The following NDST3 variants were observed in gnomAD, a reference collection of about 807,000 sequenced individuals.
NDST3 encodes the protein N-deacetylase and N-sulfotransferase 3.
A neutral mutation model predicts 96.1 loss-of-function variants in NDST3; 58 were observed. The ratio of observed to expected loss-of-function variants is 0.60; its 90% CI spans 0.49 to 0.75. The LOEUF (loss-of-function observed/expected upper bound fraction) is 0.75, where lower values mean the gene tolerates loss of function less well. NDST3 is among the 30% of genes least tolerant of loss of function. NDST3 has a pLI of 0.00. For missense variants in NDST3, 788 were observed against 1,034.2 expected (o/e 0.76, Z 3.27); for synonymous variants, 333 against 359.7 (o/e 0.93, Z 0.84).
At chr4:118,153,201 A>G (rs2125917537) in intron 6 of NDST3, among the ~76,000 whole-genome samples, 1 of 152,300 alleles carries the variant, frequency 6.6e-6, no homozygotes, top group African/African-American at 2.4e-5. Flanking sequence ...TGCAAAGTCT[A>G]AGTAGAATAA....
rs1221857376 is a variant in NDST3, at chr4:118,162,970, C to T, written c.1539+19286C>T. Among the ~76,000 whole-genome samples the T allele has an allele frequency of 2.0e-5, 3 of 149,594 alleles. No individual in the cohort carries two copies. The South Asian group carries it at 6.5e-4, about 32-fold the overall frequency. ...TGAACAGACACTTCTCAAAAGAAGA[C>T]ATTTATGCAGCCAAAAAACACATGA... On this transcript the variant is annotated intron_variant, in intron 6 of 13. Coordinates refer to ENST00000296499, the MANE Select transcript of NDST3 (RefSeq NM_004784.3).
intron 6 of NDST3, among the ~76,000 whole-genome samples, chr4:118,158,434 G>T (rs1220866276): frequency 6.6e-6 from 1 of 152,146 alleles, no homozygotes; most frequent in Non-Finnish European, 1.5e-5. Context: ...AAAAATGGAG[G>T]TTATAGACAT....
intron 2 of NDST3, among the ~76,000 whole-genome samples, chr4:118,089,675 T>C (rs1340002828): frequency 2.6e-5 from 4 of 152,014 alleles, no homozygotes; most frequent in Non-Finnish European, 5.9e-5. Context: ...CTGTGTATAT[T>C]TGAATGCCCC....
At chr4:118,211,170 C>T (rs1205122125) in intron 6 of NDST3, among the ~76,000 whole-genome samples, 1 of 151,966 alleles carries the variant, frequency 6.6e-6, no homozygotes, top group Non-Finnish European at 1.5e-5. Flanking sequence ...TTCTTTGAAC[C>T]AAAAGATTTA....
intron 6 of NDST3, among the ~76,000 whole-genome samples, chr4:118,151,647 A>G (rs1382824597): frequency 2.0e-5 from 3 of 152,142 alleles, no homozygotes; most frequent in Non-Finnish European, 4.4e-5. Flanking sequence ...GTAATCAAAG[A>G]TTACCAAAAA....
At chr4:118,236,490 C>T (rs1246539071) in intron 9 of NDST3, among the ~76,000 whole-genome samples, 1 of 152,084 alleles carries the variant, frequency 6.6e-6, no homozygotes, top group East Asian at 1.9e-4. Flanking sequence ...ATAAGTGGCT[C>T]TATATGAGAA....
chr4:118,241,960 T>G, intron 11 of NDST3, 80 bp from the exon 12 acceptor site: 5 of 939,710 alleles, frequency 5.3e-6, no homozygotes, highest in Non-Finnish European at 8.5e-6. Context: ...TCTCACTGAA[T>G]GAGTTTAGAA....
intron 2 of NDST3, among the ~76,000 whole-genome samples, chr4:118,082,634 A>G (rs80017268): frequency 1.3e-5 from 2 of 152,312 alleles, no homozygotes; most frequent in Non-Finnish European, 2.9e-5. Flanking sequence ...CACTATCTCT[A>G]TCTTCCAAGG....
intron 4 of NDST3, among the ~76,000 whole-genome samples, chr4:118,128,013 A>G (rs1732264266): frequency 6.6e-6 from 1 of 152,044 alleles, no homozygotes; most frequent in African/African-American, 2.4e-5. Flanking sequence ...TAGAAATGTT[A>G]CTGGCTTTTG....
intron 6 of NDST3, among the ~76,000 whole-genome samples, chr4:118,146,290 G>A (rs1252332090): frequency 6.6e-6 from 1 of 152,154 alleles, no homozygotes; most frequent in Non-Finnish European, 1.5e-5. Context: ...TCAATTAGAA[G>A]TGCCATTTTC....
In NDST3 at chr4:118,126,145, C is replaced by T. The variant is rs368595896; in HGVS notation, c.1224+11185C>T. ...TCATTAGAAGCTTGAAAATGCTTCACAAATTCAAATAATTATATAATTTTG... is the reference window on the plus strand; with the variant it reads ...TCATTAGAAGCTTGAAAATGCTTCATAAATTCAAATAATTATATAATTTTG... On this transcript the variant is annotated intron_variant, in intron 4 of 13. Coordinates refer to ENST00000296499, the MANE Select transcript of NDST3 (RefSeq NM_004784.3). 2.6e-5 allele frequency among the ~76,000 whole-genome samples: 4 copies of T among 152,114 alleles called. No individual in the cohort carries two copies. The East Asian group carries it at 5.8e-4, about 22-fold the overall frequency.
intron 2 of NDST3, among the ~76,000 whole-genome samples, chr4:118,096,286 T>C (rs1332433601): frequency 6.6e-6 from 1 of 151,878 alleles, no homozygotes; most frequent in Non-Finnish European, 1.5e-5. Context: ...TACACCATCA[T>C]AAAGCTGAAA....
intron 6 of NDST3, among the ~76,000 whole-genome samples, chr4:118,144,340 G>A (rs112808454): frequency 2.0e-5 from 3 of 151,762 alleles, no homozygotes; most frequent in Middle Eastern, 3.2e-3. Context: ...GCCACCACAC[G>A]GGGCTAATTT....
chr4:118,140,095 C>G (rs1342879218), intron 5 of NDST3, among the ~76,000 whole-genome samples: 1 of 152,152 alleles, frequency 6.6e-6, no homozygotes, highest in Non-Finnish European at 1.5e-5. Flanking sequence ...GTCTACCTTT[C>G]TATTTCCTAT....
At position 118,224,805 on chromosome 4, in the gene NDST3, ACTC is replaced by A. The variant is rs1387902474; in HGVS notation, c.1722+135_1722+137del. ...GAAATGTTAGTAAATTTGAGAAACT[ACTC>A]CTTCCTAAACTGTAGTTGTATATCA... On this transcript the variant is annotated intron_variant, in intron 7 of 13. Transcript: ENST00000296499. 11 of 711,782 alleles carry A rather than the reference ACTC, an allele frequency of 1.5e-5. No individual in the cohort carries two copies. The African/African-American group carries it at 1.8e-4, about 12-fold the overall frequency. 44.1% of individuals were successfully genotyped at this position (711,782 alleles called of 1,614,324 possible). A position where few individuals can be genotyped will look rare whatever the true frequency, so the allele number is the denominator to read the frequency against.
intron 11 of NDST3, among the ~76,000 whole-genome samples, chr4:118,241,378 T>C (rs182044527): frequency 1.3e-5 from 2 of 152,374 alleles, no homozygotes; most frequent in African/African-American, 4.8e-5. Context: ...TGAACAGTGC[T>C]GGTCTAGGCT....
At chr4:118,051,976 A>C (rs1279761337) in intron 1 of NDST3, among the ~76,000 whole-genome samples, 1 of 152,118 alleles carries the variant, frequency 6.6e-6, no homozygotes, top group Non-Finnish European at 1.5e-5. Flanking sequence ...AGAAGTTTGG[A>C]GATTTCTGAA....
At chr4:118,064,351 G>A (rs1445583212) in intron 2 of NDST3, among the ~76,000 whole-genome samples, 1 of 152,032 alleles carries the variant, frequency 6.6e-6, no homozygotes, top group African/African-American at 2.4e-5. Context: ...AGTAGCTAAA[G>A]CACTTTTTTA....
intron 6 of NDST3, among the ~76,000 whole-genome samples, chr4:118,192,034 C>T (rs1439047907): frequency 3.7e-4 from 56 of 152,320 alleles, no homozygotes; most frequent in Non-Finnish European, 7.4e-5. Flanking sequence ...CTCTGATGAT[C>T]AATGATGTTG....
Sources: allele counts gnomAD v4.1 joint callset (sites outside exome capture counted in the v4.1 genomes callset), GRCh38; gene constraint gnomAD v4.1.1; transcripts MANE v1.5; gene names NCBI Gene and HGNC (gene_info 2026-07-23, HGNC 2026-07-21).